The following MYLK3 variants were observed in gnomAD, a reference collection of about 807,000 sequenced individuals.
MYLK3 encodes the protein myosin light chain kinase 3.
MYLK3 carries 55 observed loss-of-function variants against 76.3 expected under a neutral mutation model. The ratio of observed to expected loss-of-function variants is 0.72; its 90% CI spans 0.58 to 0.90. The LOEUF is 0.90. Ranked by LOEUF, MYLK3 falls within the 40% of genes least tolerant of loss-of-function variation. The pLI, the probability that MYLK3 is intolerant of heterozygous loss-of-function variation, is 0.00. For missense variants in MYLK3, 973 were observed against 1,053.6 expected (o/e 0.92, Z 1.06); for synonymous variants, 416 against 425.4 (o/e 0.98, Z 0.27).
chr16:46,729,698 A>G lies in MYLK3; in HGVS notation c.1569-11T>C, dbSNP rs200617596. The G allele has an allele frequency of 3.7e-6, 6 of 1,612,546 alleles. No homozygotes were observed. On this transcript the variant is annotated splice_polypyrimidine_tract_variant and intron_variant, in intron 5 of 12. Transcript: ENST00000394809. ...TGGCCAAACCGACCCCTGCAGAGAC[A>G]TAGCCACACGGCAGGCTGAGAGCCC...
intron 10 of MYLK3, among the ~76,000 whole-genome samples, chr16:46,711,976 G>A (rs1966688532): frequency 6.9e-6 from 1 of 143,948 alleles, no homozygotes. Context: ...AAAATTCAAT[G>A]GCTCAAGCCA....
At chr16:46,741,785 T>C (rs1966935355) in intron 1 of MYLK3, among the ~76,000 whole-genome samples, 1 of 151,882 alleles carries the variant, frequency 6.6e-6, no homozygotes, top group Non-Finnish European at 1.5e-5. Flanking sequence ...TTTTTTTTTT[T>C]TTTGAGACAG....
chr16:46,723,927 G>T (rs796439591), intron 8 of MYLK3, among the ~76,000 whole-genome samples: 3 of 152,316 alleles, frequency 2.0e-5, no homozygotes, highest in African/African-American at 7.2e-5. Context: ...GGGATTACAG[G>T]CGTGAGCCAC....
intron 1 of MYLK3, 66 bp downstream of exon 1, chr16:46,747,651 G>T: frequency 2.0e-6 from 3 of 1,477,012 alleles, no homozygotes; most frequent in Non-Finnish European, 2.8e-6. Context: ...AACACTGGCT[G>T]CCTGGCCAGT....
chr16:46,710,721 C>A lies in MYLK3; in HGVS notation c.2183G>T (p.Ser728Ile). The change falls in exon 11 of 13, where the codon AGC (serine) becomes ATC (isoleucine). Residue 728 changes from serine (S) to isoleucine (I), a missense_variant. Coordinates refer to ENST00000394809, the MANE Select transcript of MYLK3 (RefSeq NM_182493.3). ...AETMNFIVNC[S>I]WDFDADTFEG... is the part of the protein sequence containing the mutation. ...AAAGGTGTCAGCATCAAAATCCCAG[C>A]TACAGTTTACAATGAAATTCATGGT... is the stretch of plus-strand genomic sequence containing the variant. 6.2e-7 allele frequency: 1 copy of A among 1,614,140 alleles called. No homozygotes were observed. Among genetic ancestry groups the A allele is most frequent in the Non-Finnish European group, 8.5e-7 (1 of 1,180,028 alleles).
intron 1 of MYLK3, among the ~76,000 whole-genome samples, chr16:46,746,551 G>A (rs1967026990): frequency 6.6e-6 from 1 of 152,076 alleles, no homozygotes; most frequent in Non-Finnish European, 1.5e-5. Flanking sequence ...CTCCCGAGTA[G>A]CTAGGACTAC....
At chr16:46,715,176 A>G (rs562148266) in intron 9 of MYLK3, among the ~76,000 whole-genome samples, 27 of 152,292 alleles carry the variant, frequency 1.8e-4, no homozygotes, top group African/African-American at 6.0e-4. Context: ...TAATTTCTTT[A>G]TTTGTAAACT....
At chr16:46,761,836 A>G (rs535914277) in intron 1 of MYLK3, among the ~76,000 whole-genome samples, 1 of 152,170 alleles carries the variant, frequency 6.6e-6, no homozygotes, top group East Asian at 1.9e-4. Context: ...ACAAAACAAA[A>G]AACAAATTCC....
At chr16:46,709,754 T>C in intron 11 of MYLK3, 83 bp from the exon 12 acceptor site, 1 of 1,491,074 alleles carries the variant, frequency 6.7e-7, no homozygotes, top group South Asian at 1.2e-5. Context: ...GTAGGAAGCC[T>C]GAGTCAGTGG....
chr16:46,709,575 T>G lies in MYLK3; in HGVS notation c.2364A>C (p.Leu788=), dbSNP rs1966661534. 2 of 1,614,056 alleles carry G rather than the reference T, an allele frequency of 1.2e-6. No individual in the cohort carries two copies. The highest frequency in any genetic ancestry group is 1.3e-5 in the African/African-American group (1 of 74,982). The change falls in exon 12 of 13, where the codon CTA becomes CTC. Residue 788 remains leucine, a synonymous_variant. Transcript: ENST00000394809. ...SRSKTRLKSQ[L]LLQKYIAQRK... is the part of the protein sequence containing the mutation. ...TTTGAGCTATGTATTTCTGCAGCAGTAGTTGGGATTTGAGACGAGTTTTGG... is the reference window on the plus strand; with the variant it reads ...TTTGAGCTATGTATTTCTGCAGCAGGAGTTGGGATTTGAGACGAGTTTTGG...
intron 12 of MYLK3, among the ~76,000 whole-genome samples, chr16:46,709,247 C>A (rs1361077906): frequency 6.6e-6 from 1 of 151,888 alleles, no homozygotes; most frequent in African/African-American, 2.4e-5. Flanking sequence ...CTTAACAAGA[C>A]CCTGTCTGTG....
At position 46,748,327 on chromosome 16, in the gene MYLK3, C is replaced by T. The variant is rs985163635; in HGVS notation, c.-134G>A. ...AGACTCCTGGCAGCACCAACCTCCA[C>T]GATGGCCTGGGCTGTGTGAGGAGCG... On this transcript the variant is annotated 5_prime_UTR_variant, in exon 1 of 13. It adds an upstream start codon to the 5' untranslated region. Coordinates refer to ENST00000394809, the MANE Select transcript of MYLK3 (RefSeq NM_182493.3). This position sits in a 1 kb window ranked among gnomAD's most constrained non-coding sequence, Gnocchi z 4.3. 7.7e-6 allele frequency: 11 copies of T among 1,430,668 alleles called. No homozygotes were observed. The highest frequency in any genetic ancestry group is 4.3e-5 in the African/African-American group (3 of 69,724). The allele number at this position is 1,430,668 out of a possible 1,614,324, so 88.6% of individuals were successfully genotyped here. A position where few individuals can be genotyped will look rare whatever the true frequency, so the allele number is the denominator to read the frequency against.
intron 1 of MYLK3, among the ~76,000 whole-genome samples, chr16:46,743,625 G>T (rs1278967993): frequency 1.3e-5 from 2 of 152,202 alleles, no homozygotes; most frequent in African/African-American, 2.4e-5. Flanking sequence ...AGTGGGGCAG[G>T]ACAGACGGGA....
At chr16:46,752,477 A>G (rs1315071179), upstream of MYLK3, among the ~76,000 whole-genome samples, 1 of 152,158 alleles carries the variant, frequency 6.6e-6, no homozygotes, top group Non-Finnish European at 1.5e-5. Context: ...ACAAGCCCCC[A>G]TGACACAAGT....
upstream of MYLK3, chr16:46,748,390 ATC>A (rs1451500766): frequency 9.7e-7 from 1 of 1,032,372 alleles, no homozygotes; most frequent in Non-Finnish European, 1.3e-6. The surrounding 1 kb of genome is among the most constrained non-coding windows in gnomAD (Gnocchi z 4.3). Context: ...TGCTTTGCTT[ATC>A]TCCCACCCTA....
chr16:46,729,915 A>AT (rs1966849098), intron 5 of MYLK3: 1 of 593,812 alleles, frequency 1.7e-6, no homozygotes, highest in African/African-American at 1.9e-5. Flanking sequence ...ACATCCCCTC[A>AT]TCCCTCACCA....
chr16:46,725,914 T>C (rs1413775550), intron 8 of MYLK3: 1 of 152,228 alleles, frequency 6.6e-6, no homozygotes. Context: ...TAAGCCAATG[T>C]CTAGAAGGAT....
Position 46,721,178 on chromosome 16 carries a change from A to G in MYLK3, c.1930T>C (p.Cys644Arg). 1.2e-6 allele frequency: 2 copies of G among 1,614,208 alleles called. No homozygotes were observed. The highest frequency in any genetic ancestry group is 1.7e-5 in the Admixed American group (1 of 60,024). Reference protein sequence around the residue: ...HLDLKPENILCVNQTGHQIKI... With the variant: ...HLDLKPENILRVNQTGHQIKI... ...ATTTGATGTCCTGTCTGATTGACGC[A>G]CAATATGTTCTCCGGCTGGGAAAGA... is the stretch of plus-strand genomic sequence containing the variant. The change falls in exon 9 of 13, where the codon TGC (cysteine) becomes CGC (arginine). Residue 644 changes from cysteine to arginine, a missense_variant. Transcript: ENST00000394809.
intron 12 of MYLK3, 89 bp downstream of exon 12, chr16:46,709,450 A>AG: frequency 6.9e-7 from 1 of 1,454,662 alleles, no homozygotes; most frequent in South Asian, 1.4e-5. Flanking sequence ...GAAGAAAAAA[A>AG]AAAAAAGAAA....
Sources: allele counts gnomAD v4.1 joint callset (sites outside exome capture counted in the v4.1 genomes callset), GRCh38; gene constraint gnomAD v4.1.1; non-coding constraint Gnocchi (gnomAD v3.1); transcripts MANE v1.5; gene names NCBI Gene and HGNC (gene_info 2026-07-23, HGNC 2026-07-21).